THRB: variants seen among roughly 807,000 people sequenced by gnomAD.
The protein encoded by THRB is thyroid hormone receptor beta, also known as nuclear receptor subfamily 1 group A member 2.
THRB carries 12 observed loss-of-function variants against 47.8 expected under a neutral mutation model. The ratio of observed to expected loss-of-function variants is 0.25; its 90% CI spans 0.16 to 0.41. The LOEUF (loss-of-function observed/expected upper bound fraction) is 0.41. Among genes scored for constraint, THRB ranks in the 10% least tolerant of loss-of-function variants. THRB has a pLI of 1.00. For missense variants in THRB, 348 were observed against 589.2 expected, an observed-to-expected ratio of 0.59 and a Z score of 4.24; for synonymous variants, 218 against 212.2, an observed-to-expected ratio of 1.03 and a Z score of -0.24.
intron 2 of THRB, among the ~76,000 whole-genome samples, chr3:24,321,985 G>C (rs1023415240): frequency 6.6e-6 from 1 of 151,802 alleles, no homozygotes; most frequent in East Asian, 1.9e-4. Flanking sequence ...GTGGTTACTA[G>C]GAAATTTAAA....
chr3:24,449,861 T>C (rs2072472792), intron 1 of THRB, among the ~76,000 whole-genome samples: 1 of 152,218 alleles, frequency 6.6e-6, no homozygotes, highest in Non-Finnish European at 1.5e-5. Flanking sequence ...GATACTAACT[T>C]GGCTCTTAAG....
At chr3:24,183,592 GA>G (rs755899367) in intron 5 of THRB, among the ~76,000 whole-genome samples, 35 of 150,684 alleles carry the variant, frequency 2.3e-4, no homozygotes, top group Non-Finnish European at 4.0e-4. Flanking sequence ...GGCTGGTCTT[GA>G]AACTCCTGAC....
At chr3:24,281,643 A>AGG (rs779648124) in intron 3 of THRB, among the ~76,000 whole-genome samples, 2 of 51,622 alleles carry the variant, frequency 3.9e-5, no homozygotes, top group African/African-American at 9.8e-5. Context: ...GACTGGCGAA[A>AGG]TGGATAAAGA....
intron 5 of THRB, among the ~76,000 whole-genome samples, chr3:24,163,788 C>T (rs1011061802): frequency 1.3e-5 from 2 of 151,944 alleles, no homozygotes; most frequent in Non-Finnish European, 2.9e-5. Flanking sequence ...ATGCTGTAAT[C>T]CCCTTAATAT....
intron 3 of THRB, among the ~76,000 whole-genome samples, chr3:24,243,217 T>TAA: frequency 6.6e-6 from 1 of 152,142 alleles, no homozygotes; most frequent in Non-Finnish European, 1.5e-5. Context: ...TTAGAGGCCC[T>TAA]AAAGTAGCCT....
rs1470639733 is a variant in THRB at position 24,366,750 on chromosome 3, A to G, written c.-260-29379T>C. ...ATTCTCCTGCCTCAGCCTCCCGAGA[A>G]GCTGGGATTACAGGCACATGCCACC... On this transcript the variant is annotated intron_variant, in intron 1 of 10. Transcript: ENST00000646209. Among the ~76,000 whole-genome samples the G allele has an allele frequency of 2.6e-5, 4 of 151,714 alleles. No homozygotes were observed. The East Asian group carries it at 7.8e-4, about 30-fold the overall frequency.
At chr3:24,215,451 A>C (rs893724471) in intron 4 of THRB, among the ~76,000 whole-genome samples, 1 of 152,204 alleles carries the variant, frequency 6.6e-6, no homozygotes, top group East Asian at 1.9e-4. Context: ...TGCCAACTCC[A>C]ACAGCAACCA....
chr3:24,212,541 G>GCACT (rs1436345947), intron 4 of THRB, among the ~76,000 whole-genome samples: 2 of 128,400 alleles, frequency 1.6e-5, no homozygotes, highest in Non-Finnish European at 3.1e-5. Context: ...TCGCACCATT[G>GCACT]CACTCCAGCC....
intron 1 of THRB, among the ~76,000 whole-genome samples, chr3:24,467,170 A>G (rs1053008993): frequency 7.9e-5 from 12 of 152,232 alleles, no homozygotes; most frequent in Non-Finnish European, 1.8e-4. Context: ...GCTCATCCAT[A>G]AGAAGCAACT....
chr3:24,477,394 A>C (rs1695647648), intron 1 of THRB, among the ~76,000 whole-genome samples: 1 of 152,196 alleles, frequency 6.6e-6, no homozygotes, highest in Admixed American at 6.5e-5. Context: ...AGAGAACAAA[A>C]GTGCTTCTCA....
At chr3:24,220,972 A>G (rs1349214069) in intron 4 of THRB, among the ~76,000 whole-genome samples, 1 of 152,240 alleles carries the variant, frequency 6.6e-6, no homozygotes, top group Non-Finnish European at 1.5e-5. Flanking sequence ...CATGGCTTAG[A>G]GAAAATGACT....
chr3:24,259,235 G>C (rs1336007634), intron 3 of THRB, among the ~76,000 whole-genome samples: 3 of 152,160 alleles, frequency 2.0e-5, no homozygotes, highest in Non-Finnish European at 4.4e-5. Flanking sequence ...CAAGTTGAAT[G>C]ATTCAGGAGT....
chr3:24,296,598 T>G (rs1380913141), intron 3 of THRB, among the ~76,000 whole-genome samples: 2 of 152,168 alleles, frequency 1.3e-5, no homozygotes, highest in Non-Finnish European at 2.9e-5. Flanking sequence ...TAACACACTG[T>G]GACACATCCT....
At chr3:24,245,665 C>A (rs554149458) in intron 3 of THRB, among the ~76,000 whole-genome samples, 1 of 152,284 alleles carries the variant, frequency 6.6e-6, no homozygotes, top group East Asian at 1.9e-4. Flanking sequence ...GTAATCCCAG[C>A]ACTTTGGGAG....
intron 1 of THRB, among the ~76,000 whole-genome samples, chr3:24,398,291 G>A (rs923865083): frequency 1.3e-5 from 2 of 152,142 alleles, no homozygotes; most frequent in Non-Finnish European, 2.9e-5. Flanking sequence ...AGAGTGAACA[G>A]GCAACCTACA....
intron 1 of THRB, among the ~76,000 whole-genome samples, chr3:24,467,448 A>G (rs2074244923): frequency 6.6e-6 from 1 of 152,254 alleles, no homozygotes; most frequent in African/African-American, 2.4e-5. Context: ...TTTACTTTAC[A>G]CAGATCAATC....
At chr3:24,250,561 C>T (rs1193250555) in intron 3 of THRB, among the ~76,000 whole-genome samples, 1 of 152,012 alleles carries the variant, frequency 6.6e-6, no homozygotes, top group Non-Finnish European at 1.5e-5. Flanking sequence ...ATTAGCTGGG[C>T]ACAGTGGTGT....
chr3:24,278,704 T>C (rs1389098741), intron 3 of THRB, among the ~76,000 whole-genome samples: 2 of 152,232 alleles, frequency 1.3e-5, no homozygotes, highest in Non-Finnish European at 2.9e-5. Context: ...TTTCCAGATT[T>C]TTAACTTCTT....
In THRB at chr3:24,124,922, G is replaced by A. The variant is rs142494705; in HGVS notation, c.1145-1797C>T. The stretch of plus-strand genomic sequence containing the variant: ...TTAATGAAGAGGGTCCACATCACTG[G>A]GGAGGGTGGATTGTGAAAAGTTATT... On this transcript the variant is annotated intron_variant, in intron 10 of 10. Transcript: ENST00000646209. Among the ~76,000 whole-genome samples, 614 of 152,262 alleles carry A rather than the reference G, an allele frequency of 4.0e-3. 4 individuals carry two copies. Among genetic ancestry groups the A allele is most frequent in the African/African-American group, 0.014 (583 of 41,536 alleles).
Sources: gnomAD v4.1 joint callset for allele counts (sites outside exome capture counted in the v4.1 genomes callset) on GRCh38, gnomAD v4.1.1 for gene constraint, MANE v1.5 for transcripts, NCBI Gene and HGNC (gene_info 2026-07-23, HGNC 2026-07-21) for gene names.